The following GALNT17 variants were observed in gnomAD, a reference collection of about 807,000 sequenced individuals.
GALNT17 encodes UDP-GalNAc:polypeptide N-acetylgalactosaminyltransferase-like 3.
GALNT17 carries 29 observed loss-of-function variants against 63.7 expected under a neutral mutation model. The observed-to-expected ratio is 0.46, with a 90% CI of 0.34 to 0.62. The LOEUF (loss-of-function observed/expected upper bound fraction) is 0.62, where lower values mean the gene tolerates loss of function less well. Ranked by LOEUF, GALNT17 falls within the 20% of genes least tolerant of loss-of-function variation. The probability of loss-of-function intolerance (pLI) is 0.01; values close to 1 mark genes in which losing one functional copy is unlikely to be tolerated. For missense variants in GALNT17, 603 were observed against 799.6 expected (o/e 0.75, Z 2.97); for synonymous variants, 305 against 318.3 (o/e 0.96, Z 0.45).
chr7:71,267,530 A>T (rs73173986), intron 1 of GALNT17, among the ~76,000 whole-genome samples: 5,454 of 152,252 alleles, frequency 0.036, 113 homozygotes, highest in South Asian at 0.06. Flanking sequence ...TATTTTCAGA[A>T]ATGTGCTCTC....
chr7:71,562,778 C>T (rs1280809297), intron 5 of GALNT17, among the ~76,000 whole-genome samples: 1 of 152,092 alleles, frequency 6.6e-6, no homozygotes, highest in East Asian at 1.9e-4. Flanking sequence ...GGGTTGAGGA[C>T]CCCTGGTATA....
chr7:71,515,465 G>C (rs1788430033), intron 5 of GALNT17, among the ~76,000 whole-genome samples: 1 of 152,184 alleles, frequency 6.6e-6, no homozygotes, highest in African/African-American at 2.4e-5. Flanking sequence ...ACTTTCTCCT[G>C]AGTGGGCTTT....
chr7:71,339,925 A>G (rs1418303823), intron 2 of GALNT17, among the ~76,000 whole-genome samples: 6 of 152,092 alleles, frequency 3.9e-5, no homozygotes, highest in African/African-American at 1.4e-4. Context: ...ACTTACAAGG[A>G]AAAAAAACCA....
At chr7:71,514,494 A>G (rs1459234610) in intron 5 of GALNT17, among the ~76,000 whole-genome samples, 1 of 151,852 alleles carries the variant, frequency 6.6e-6, no homozygotes, top group Non-Finnish European at 1.5e-5. Flanking sequence ...TGGATCTACT[A>G]TTGTAAATCT....
chr7:71,407,001 G>A lies in GALNT17; in HGVS notation c.590-8888G>A, dbSNP rs530654793. Among the ~76,000 whole-genome samples the A allele has an allele frequency of 4.1e-4, 62 of 152,296 alleles. 2 individuals are homozygous for A. The South Asian group carries it at 0.012, about 30-fold the overall frequency. ...ATGTCAAGTGTCCTGACTAATGTCT[G>A]TGCCAAACTCTGCGTTGAAGACCAT... On this transcript the variant is annotated intron_variant, in intron 3 of 10. Coordinates refer to ENST00000333538, the MANE Select transcript of GALNT17 (RefSeq NM_022479.3).
intron 1 of GALNT17, among the ~76,000 whole-genome samples, chr7:71,303,440 A>G (rs1206567286): frequency 1.3e-5 from 2 of 152,036 alleles, no homozygotes; most frequent in Non-Finnish European, 2.9e-5. Context: ...TCTAGGTGAA[A>G]TTAACCAGCC....
chr7:71,283,533 C>A (rs1395542822), intron 1 of GALNT17, among the ~76,000 whole-genome samples: 1 of 152,168 alleles, frequency 6.6e-6, no homozygotes, highest in Non-Finnish European at 1.5e-5. Flanking sequence ...GAGTCAGCAT[C>A]AGTGGACACT....
chr7:71,572,416 C>T (rs1461321267), intron 6 of GALNT17, among the ~76,000 whole-genome samples: 5 of 140,998 alleles, frequency 3.5e-5, no homozygotes, highest in African/African-American at 1.3e-4. Flanking sequence ...GCAAGAAGAT[C>T]GCTTGAGCCC....
chr7:71,345,133 TG>T (rs1056615165), intron 2 of GALNT17, among the ~76,000 whole-genome samples: 10 of 146,804 alleles, frequency 6.8e-5, no homozygotes, highest in Non-Finnish European at 3.0e-5. Flanking sequence ...GTTTTTTTTT[TG>T]TTGTTGTTTT....
chr7:71,478,710 C>T lies in GALNT17; in HGVS notation c.962+57605C>T, dbSNP rs1258613609. Among the ~76,000 whole-genome samples the T allele has an allele frequency of 2.0e-5, 3 of 152,066 alleles. No homozygotes were observed. The East Asian group carries it at 5.8e-4, about 29-fold the overall frequency. On this transcript the variant is annotated intron_variant, in intron 5 of 10. Transcript: ENST00000333538. Reference sequence around the variant, plus strand: ...TGGGAGCCAGGCTTCTCCAGTCAGACCCACAGGAAGGGTGGCTTCACAGAC... The same window carrying T: ...TGGGAGCCAGGCTTCTCCAGTCAGATCCACAGGAAGGGTGGCTTCACAGAC...
intron 9 of GALNT17, among the ~76,000 whole-genome samples, chr7:71,684,010 A>C (rs1380865560): frequency 1.6e-4 from 5 of 30,396 alleles, no homozygotes; most frequent in African/African-American, 4.2e-4. Context: ...CTCTGTCTCA[A>C]AAAAAAAAAA....
chr7:71,368,281 T>TAC (rs1792552485), intron 2 of GALNT17, among the ~76,000 whole-genome samples: 1 of 152,226 alleles, frequency 6.6e-6, no homozygotes, highest in Non-Finnish European at 1.5e-5. Context: ...TAAGGTGGCT[T>TAC]CAGAACACCT....
chr7:71,380,514 A>C (rs982576891), intron 2 of GALNT17, among the ~76,000 whole-genome samples: 1 of 151,826 alleles, frequency 6.6e-6, no homozygotes, highest in Non-Finnish European at 1.5e-5. Context: ...TAGCGATGGG[A>C]TCTTGCTTTG....
intron 2 of GALNT17, among the ~76,000 whole-genome samples, chr7:71,352,257 C>T (rs1415447223): frequency 6.6e-6 from 1 of 152,194 alleles, no homozygotes; most frequent in Non-Finnish European, 1.5e-5. Context: ...TACCTTCTGC[C>T]ATGACTGTGT....
At chr7:71,352,011 T>C (rs1307993199) in intron 2 of GALNT17, among the ~76,000 whole-genome samples, 1 of 152,116 alleles carries the variant, frequency 6.6e-6, no homozygotes, top group South Asian at 2.1e-4. Flanking sequence ...CCTAGTGATA[T>C]GTGCCTAGTG....
At chr7:71,562,854 C>T (rs1021381856) in intron 5 of GALNT17, among the ~76,000 whole-genome samples, 1 of 152,010 alleles carries the variant, frequency 6.6e-6, no homozygotes, top group Non-Finnish European at 1.5e-5. Flanking sequence ...GCAGAGATGC[C>T]AAGGAAGAAC....
At chr7:71,446,424 A>G (rs147507873) in intron 5 of GALNT17, among the ~76,000 whole-genome samples, 1 of 152,304 alleles carries the variant, frequency 6.6e-6, no homozygotes, top group African/African-American at 2.4e-5. Flanking sequence ...ATTTCACATT[A>G]TTTTTTACTC....
At chr7:71,423,504 G>A (rs1211002418) in intron 5 of GALNT17, among the ~76,000 whole-genome samples, 1 of 152,158 alleles carries the variant, frequency 6.6e-6, no homozygotes, top group Non-Finnish European at 1.5e-5. Flanking sequence ...CTCGGTTTTA[G>A]GGGTGTGCTT....
At chr7:71,407,697 A>G (rs1362130845) in intron 3 of GALNT17, among the ~76,000 whole-genome samples, 1 of 152,212 alleles carries the variant, frequency 6.6e-6, no homozygotes. Flanking sequence ...GCAGTGAGCT[A>G]TGATCCGGCC....
Sources: allele counts gnomAD v4.1 joint callset (sites outside exome capture counted in the v4.1 genomes callset), GRCh38; gene constraint gnomAD v4.1.1; transcripts MANE v1.5; gene names NCBI Gene and HGNC (gene_info 2026-07-23, HGNC 2026-07-21).